BICD1: variants seen among roughly 807,000 people sequenced by gnomAD.
BICD1 encodes the protein protein bicaudal D homolog 1.
In BICD1, 35 loss-of-function variants were observed where a neutral mutation model predicts 92.5. The observed-to-expected ratio is 0.38, with a 90% CI of 0.29 to 0.50. The LOEUF is 0.50. BICD1 is among the 20% of genes least tolerant of loss of function. BICD1 has a pLI of 0.93. For synonymous variants in BICD1, 429 were observed against 465.1 expected (o/e 0.92, Z 1.00); for missense variants, 950 against 1,189.8 (o/e 0.80, Z 2.97).
intron 1 of BICD1, among the ~76,000 whole-genome samples, chr12:32,167,600 C>T (rs192272604): frequency 6.6e-6 from 1 of 152,182 alleles, no homozygotes; most frequent in East Asian, 1.9e-4. Flanking sequence ...GGACTACAGG[C>T]GCATGCCACC....
intron 5 of BICD1, among the ~76,000 whole-genome samples, chr12:32,329,527 A>G (rs558373463): frequency 6.6e-6 from 1 of 152,216 alleles, no homozygotes; most frequent in Non-Finnish European, 1.5e-5. Context: ...TAACAGAAAC[A>G]AAGCCAGACA....
chr12:32,150,458 A>G (rs1451993506), intron 1 of BICD1, among the ~76,000 whole-genome samples: 1 of 146,364 alleles, frequency 6.8e-6, no homozygotes, highest in African/African-American at 2.6e-5. Context: ...GAGAAGCCCA[A>G]TCAATTTTAG....
At chr12:32,124,129 G>C (rs1942248456) in intron 1 of BICD1, among the ~76,000 whole-genome samples, 1 of 152,140 alleles carries the variant, frequency 6.6e-6, no homozygotes, top group African/African-American at 2.4e-5. Flanking sequence ...TTGTATTACT[G>C]GTTCTGTGCT....
Position 32,327,595 on chromosome 12 carries a change from C to T in BICD1, c.1140C>T (p.Gly380=). 6.2e-7 allele frequency: 1 copy of T among 1,614,038 alleles called. No homozygotes were observed. The highest frequency in any genetic ancestry group is 8.5e-7 in the Non-Finnish European group (1 of 1,180,012). ...CAGAGCACGTCAATGCCATGAGGGG[C>T]CTGCAAAGCAGCAAGGAGCTCAAGG... ...RLTEHVNAMR[G]LQSSKELKAE... Residue 380 remains glycine (G), a synonymous_variant, in exon 5 of 10, where the codon GGC becomes GGT. Coordinates refer to ENST00000652176, the MANE Select transcript of BICD1 (RefSeq NM_001714.4).
At chr12:32,213,184 G>A (rs1945265160) in intron 1 of BICD1, among the ~76,000 whole-genome samples, 1 of 152,150 alleles carries the variant, frequency 6.6e-6, no homozygotes, top group Admixed American at 6.5e-5. Context: ...ACACTTACTT[G>A]TCACGTCTTG....
intron 3 of BICD1, among the ~76,000 whole-genome samples, chr12:32,295,144 CAA>C (rs985551402): frequency 2.7e-5 from 4 of 149,050 alleles, no homozygotes; most frequent in African/African-American, 9.9e-5. Flanking sequence ...AACCTGACTA[CAA>C]AGATTACATT....
At position 32,294,159 on chromosome 12, in the gene BICD1, A is replaced by G; in HGVS notation, c.579+13A>G. The G allele has an allele frequency of 6.3e-7, 1 of 1,581,984 alleles. No homozygotes were observed. ...GAAGCAGAACCAGGTAAGGTTTAAG[A>G]AATTTTTTGTTATACTGAAGATGGA... is the stretch of plus-strand genomic sequence containing the variant. On this transcript the variant is annotated intron_variant, in intron 3 of 9. Coordinates refer to ENST00000652176, the MANE Select transcript of BICD1 (RefSeq NM_001714.4).
At chr12:32,213,604 C>T (rs1178082070) in intron 1 of BICD1, among the ~76,000 whole-genome samples, 1 of 152,170 alleles carries the variant, frequency 6.6e-6, no homozygotes, top group East Asian at 1.9e-4. Context: ...CCATGTTGGC[C>T]AGGCTGGTCT....
chr12:32,320,452 G>C (rs1948621958), intron 4 of BICD1, among the ~76,000 whole-genome samples: 1 of 152,046 alleles, frequency 6.6e-6, no homozygotes, highest in Non-Finnish European at 1.5e-5. Context: ...GACCAGCCTG[G>C]CCAACATGGT....
In BICD1 at chr12:32,327,862, T is replaced by G. The variant is rs200470054; in HGVS notation, c.1407T>G (p.Leu469=). ...IQMYDEQVTS[L]EKTTKESGEK... ...TGTATGATGAGCAGGTGACAAGCCT[T>G]GAGAAGACCACCAAGGAGAGTGGTG... is the stretch of plus-strand genomic sequence containing the variant. The change falls in exon 5 of 10, where the codon CTT becomes CTG. Residue 469 remains leucine (L), a synonymous_variant. Transcript: ENST00000652176. 1 of 1,614,040 alleles carries G rather than the reference T, an allele frequency of 6.2e-7. No individual in the cohort carries two copies. Among genetic ancestry groups the G allele is most frequent in the East Asian group, 2.2e-5 (1 of 44,870 alleles).
At chr12:32,224,299 T>C (rs1482676664) in intron 2 of BICD1, among the ~76,000 whole-genome samples, 1 of 152,230 alleles carries the variant, frequency 6.6e-6, no homozygotes, top group Admixed American at 6.5e-5. Flanking sequence ...TGAAGAACTG[T>C]TGTTGTTTTT....
At chr12:32,203,965 A>G (rs1944979283) in intron 1 of BICD1, among the ~76,000 whole-genome samples, 1 of 152,224 alleles carries the variant, frequency 6.6e-6, no homozygotes, top group Non-Finnish European at 1.5e-5. Context: ...TGAGGAAGAT[A>G]CTTGCCATAC....
intron 2 of BICD1, among the ~76,000 whole-genome samples, chr12:32,225,619 C>CTTTTTTTTTTTTTTTTTTTTT (rs1555150859): frequency 6.8e-5 from 2 of 29,228 alleles, no homozygotes; most frequent in Non-Finnish European, 1.3e-4. Context: ...TTCTTTTTTT[C>CTTTTTTTTTTTTTTTTTTTTT]TGTTTTTTTT....
chr12:32,115,854 C>T (rs1941871852), intron 1 of BICD1, among the ~76,000 whole-genome samples: 1 of 152,036 alleles, frequency 6.6e-6, no homozygotes, highest in Admixed American at 6.6e-5. Context: ...AAGAGCCAGT[C>T]CTGCAGTGTG....
chr12:32,250,823 A>C (rs1400256857), intron 2 of BICD1, among the ~76,000 whole-genome samples: 2 of 152,062 alleles, frequency 1.3e-5, no homozygotes, highest in Non-Finnish European at 2.9e-5. Context: ...TCTACAAAAA[A>C]AATACAAAAA....
intron 8 of BICD1, among the ~76,000 whole-genome samples, chr12:32,341,400 G>A (rs1271747173): frequency 6.7e-6 from 1 of 149,750 alleles, no homozygotes; most frequent in African/African-American, 2.5e-5. Flanking sequence ...GGAGGCGGAA[G>A]TTTCAGCGAA....
At chr12:32,358,598 G>A (rs1363048582) in intron 8 of BICD1, among the ~76,000 whole-genome samples, 2 of 151,962 alleles carry the variant, frequency 1.3e-5, no homozygotes, top group Non-Finnish European at 2.9e-5. Context: ...TTAACTGGGC[G>A]TGGTGGTGCA....
In BICD1 at chr12:32,379,083, T is replaced by C. The variant is rs897180108; in HGVS notation, c.*1456T>C. 1 of 152,240 alleles carries C rather than the reference T, an allele frequency of 6.6e-6. No homozygotes were observed. Among genetic ancestry groups the C allele is most frequent in the Non-Finnish European group, 1.5e-5 (1 of 68,040 alleles). 9.4% of individuals were successfully genotyped at this position (152,240 alleles called of 1,614,324 possible). ...GGTAGCCTTAACTTATTTAAAACCA[T>C]AAGGGTTTGACCTTTTCATATAAAG... On this transcript the variant is annotated 3_prime_UTR_variant, in exon 10 of 10. Transcript: ENST00000652176.
chr12:32,217,232 C>T (rs765617898), intron 2 of BICD1, among the ~76,000 whole-genome samples: 10 of 152,182 alleles, frequency 6.6e-5, no homozygotes, highest in South Asian at 2.1e-4. Flanking sequence ...ATAGAAGAGA[C>T]GCAGACGTCC....
Sources: allele counts gnomAD v4.1 joint callset (sites outside exome capture counted in the v4.1 genomes callset), GRCh38; gene constraint gnomAD v4.1.1; transcripts MANE v1.5; gene names NCBI Gene and HGNC (gene_info 2026-07-23, HGNC 2026-07-21).